The following UGT8 variants were observed in gnomAD, a reference collection of about 807,000 sequenced individuals.
UGT8 encodes UDP glycosyltransferase 8, also known as 2-hydroxyacylsphingosine 1-beta-galactosyltransferase.
UGT8 carries 12 observed loss-of-function variants against 40.5 expected under a neutral mutation model. The ratio of observed to expected loss-of-function variants is 0.30; its 90% CI spans 0.19 to 0.48. The LOEUF (loss-of-function observed/expected upper bound fraction) is 0.48. Among genes scored for constraint, UGT8 ranks in the 20% least tolerant of loss-of-function variants. The pLI is 0.99. For missense variants in UGT8, 513 were observed against 648.7 expected, an observed-to-expected ratio of 0.79 and a Z score of 2.27; for synonymous variants, 224 against 240.4, an observed-to-expected ratio of 0.93 and a Z score of 0.63.
intron 5 of UGT8, among the ~76,000 whole-genome samples, chr4:114,673,993 T>G (rs1735460578): frequency 6.6e-6 from 1 of 152,238 alleles, no homozygotes; most frequent in Non-Finnish European, 1.5e-5. Context: ...TTACATACTT[T>G]TATGTAATAG....
At position 114,644,127 on chromosome 4, in the gene UGT8, C is replaced by A. The variant is rs199708911; in HGVS notation, c.823-19868C>A. Among the ~76,000 whole-genome samples the A allele has an allele frequency of 1.1e-4, 17 of 152,194 alleles. No homozygotes were observed. In the East Asian group the frequency reaches 2.9e-3, roughly 26 times the overall value. On this transcript the variant is annotated intron_variant, in intron 2 of 5. Coordinates refer to ENST00000310836, the MANE Select transcript of UGT8 (RefSeq NM_001128174.3). ...GCCATTTCTCTCTTGAGAAATAGTT[C>A]TTTTGGGGCCCCATGTGTAAATGAT...
intron 1 of UGT8, among the ~76,000 whole-genome samples, chr4:114,604,395 A>G (rs531338591): frequency 1.3e-5 from 2 of 151,842 alleles, no homozygotes; most frequent in South Asian, 4.2e-4. Context: ...AAAAATCAAC[A>G]TGTGAAAAAT....
chr4:114,610,978 T>C (rs35528720), intron 1 of UGT8, among the ~76,000 whole-genome samples: 1 of 152,180 alleles, frequency 6.6e-6, no homozygotes, highest in Non-Finnish European at 1.5e-5. Flanking sequence ...TCTCTACTAA[T>C]GTTGTATTGA....
At chr4:114,660,858 T>A (rs1734482688) in intron 2 of UGT8, among the ~76,000 whole-genome samples, 1 of 147,416 alleles carries the variant, frequency 6.8e-6, no homozygotes, top group Admixed American at 6.8e-5. Context: ...ACCACTGCAC[T>A]CCAGCCTGGG....
intron 5 of UGT8, among the ~76,000 whole-genome samples, chr4:114,674,697 T>C (rs989490147): frequency 6.6e-6 from 1 of 152,224 alleles, no homozygotes; most frequent in Admixed American, 6.5e-5. Context: ...GTCTCCCACT[T>C]TTATGATTTA....
intron 1 of UGT8, among the ~76,000 whole-genome samples, chr4:114,614,751 A>G (rs1004252052): frequency 6.6e-6 from 1 of 151,808 alleles, no homozygotes; most frequent in Non-Finnish European, 1.5e-5. Flanking sequence ...GAAAATCTAG[A>G]GTTACTTATA....
intron 2 of UGT8, among the ~76,000 whole-genome samples, chr4:114,652,603 G>T (rs776816750): frequency 6.6e-6 from 1 of 151,964 alleles, no homozygotes; most frequent in Non-Finnish European, 1.5e-5. Flanking sequence ...AGACTTCTCT[G>T]TGAGCATAGT....
chr4:114,628,885 G>T (rs1732408751), intron 2 of UGT8, among the ~76,000 whole-genome samples: 1 of 150,906 alleles, frequency 6.6e-6, no homozygotes, highest in African/African-American at 2.4e-5. Flanking sequence ...GAGCAACAGA[G>T]TTATTAGATT....
At chr4:114,653,912 C>G (rs1334837823) in intron 2 of UGT8, among the ~76,000 whole-genome samples, 1 of 152,006 alleles carries the variant, frequency 6.6e-6, no homozygotes, top group Non-Finnish European at 1.5e-5. Flanking sequence ...CACCTGGTGC[C>G]TGGCACATAG....
chr4:114,651,446 T>C (rs999033828), intron 2 of UGT8, among the ~76,000 whole-genome samples: 29 of 152,126 alleles, frequency 1.9e-4, no homozygotes, highest in African/African-American at 6.8e-4. Flanking sequence ...TCATTTTAAT[T>C]TTATGTGAAA....
intron 1 of UGT8, among the ~76,000 whole-genome samples, chr4:114,611,433 T>TAC (rs1434361918): frequency 1.8e-5 from 1 of 55,538 alleles, no homozygotes; most frequent in African/African-American, 5.0e-5. Context: ...TATATATATA[T>TAC]ATATATATAT....
intron 1 of UGT8, among the ~76,000 whole-genome samples, chr4:114,611,133 T>A (rs1459780093): frequency 2.0e-5 from 3 of 152,086 alleles, no homozygotes; most frequent in Non-Finnish European, 4.4e-5. Context: ...CAAAACATTT[T>A]AAAATGTCAA....
At chr4:114,661,565 C>T (rs546792449) in intron 2 of UGT8, among the ~76,000 whole-genome samples, 25 of 152,256 alleles carry the variant, frequency 1.6e-4, no homozygotes, top group African/African-American at 4.1e-4. Context: ...GCTTGTCAAC[C>T]GAATCCAAAA....
chr4:114,665,657 T>C lies in UGT8; in HGVS notation c.966-23T>C, dbSNP rs780678790. On this transcript the variant is annotated intron_variant, in intron 3 of 5. Transcript: ENST00000310836. ...GAGTAAGGTTTGATTTTTAAAAGACTAATTGTCTGGTGTACATTTTAGGTT... is the reference window on the plus strand; with the variant it reads ...GAGTAAGGTTTGATTTTTAAAAGACCAATTGTCTGGTGTACATTTTAGGTT... 1.0e-5 allele frequency: 16 copies of C among 1,582,370 alleles called. No individual in the cohort carries two copies. The South Asian group carries it at 1.5e-4, about 15-fold the overall frequency.
At chr4:114,666,455 T>C (rs1560708144) in intron 4 of UGT8, among the ~76,000 whole-genome samples, 1 of 152,138 alleles carries the variant, frequency 6.6e-6, no homozygotes, top group Non-Finnish European at 1.5e-5. Context: ...TATAATTTAT[T>C]TTCATCTAGC....
intron 1 of UGT8, among the ~76,000 whole-genome samples, chr4:114,611,511 A>T (rs1389082717): frequency 8.8e-6 from 1 of 113,086 alleles, no homozygotes; most frequent in East Asian, 2.5e-4. Context: ...TCTATATATA[A>T]GATAGCCGTA....
Position 114,623,508 on chromosome 4 carries a change from C to G in UGT8, c.628C>G (p.Leu210Val). The G allele has an allele frequency of 6.2e-7, 1 of 1,614,104 alleles. No homozygotes were observed. Among genetic ancestry groups the G allele is most frequent in the South Asian group, 1.1e-5 (1 of 91,074 alleles). Residue 210 changes from leucine to valine, a missense_variant, in exon 2 of 6, where the codon CTG becomes GTG. Transcript: ENST00000310836. ...CATTTCCAGATTAGGGGTCAGCTTT[C>G]TGGTTCTTCCCAAATATGAAAGGAT... ...YLISRLGVSF[L>V]VLPKYERIMQ...
At chr4:114,610,512 A>C (rs185452096) in intron 1 of UGT8, among the ~76,000 whole-genome samples, 6 of 152,306 alleles carry the variant, frequency 3.9e-5, no homozygotes, top group African/African-American at 1.4e-4. Context: ...AGAAGACACA[A>C]AATTATACAT....
intron 1 of UGT8, among the ~76,000 whole-genome samples, chr4:114,620,425 G>T (rs548083432): frequency 2.3e-4 from 35 of 152,342 alleles, no homozygotes; most frequent in Middle Eastern, 3.4e-3. Context: ...AGATTTGTGA[G>T]AAGGCAACAT....
Sources: allele counts gnomAD v4.1 joint callset (sites outside exome capture counted in the v4.1 genomes callset), GRCh38; gene constraint gnomAD v4.1.1; transcripts MANE v1.5; gene names NCBI Gene and HGNC (gene_info 2026-07-23, HGNC 2026-07-21).